SNX13: variants seen among roughly 807,000 people sequenced by gnomAD.
SNX13 encodes the protein sorting nexin-13.
Under a neutral mutation model 133.6 loss-of-function variants are expected in SNX13, and 45 were observed. The ratio of observed to expected loss-of-function variants is 0.34; its 90% CI spans 0.27 to 0.43. The LOEUF is 0.43. Among genes scored for constraint, SNX13 ranks in the 20% least tolerant of loss-of-function variants. The probability of loss-of-function intolerance (pLI) is 1.00; values close to 1 mark genes in which losing one functional copy is unlikely to be tolerated. For missense variants in SNX13, 1,032 were observed against 1,145.1 expected (o/e 0.90, Z 1.43); for synonymous variants, 414 against 373.9 (o/e 1.11, Z -1.24).
chr7:17,867,917 T>C (rs73308184), intron 9 of SNX13, among the ~76,000 whole-genome samples: 5,810 of 152,184 alleles, frequency 0.038, 360 homozygotes, highest in African/African-American at 0.13. Context: ...AAGTCTTTGA[T>C]ATGTCTGACA....
intron 9 of SNX13, among the ~76,000 whole-genome samples, chr7:17,866,042 A>C (rs1276076681): frequency 6.6e-6 from 1 of 152,216 alleles, no homozygotes; most frequent in Non-Finnish European, 1.5e-5. Flanking sequence ...AACTACTAGA[A>C]GAAAACAGTG....
chr7:17,848,023 T>C (rs1880456), intron 11 of SNX13, among the ~76,000 whole-genome samples: 2,785 of 152,194 alleles, frequency 0.018, 91 homozygotes, highest in African/African-American at 0.062. Flanking sequence ...CAGTCCTAAA[T>C]GAGAATTTAT....
intron 13 of SNX13, among the ~76,000 whole-genome samples, chr7:17,835,846 T>C (rs983581641): frequency 4.0e-5 from 6 of 151,826 alleles, no homozygotes; most frequent in South Asian, 2.1e-4. Context: ...CCTAAGTAGG[T>C]TGTGTGGTGG....
intron 11 of SNX13, 68 bp downstream of exon 11, chr7:17,850,279 C>T: frequency 1.0e-6 from 1 of 992,494 alleles, no homozygotes; most frequent in Non-Finnish European, 1.4e-6. Context: ...TTGTCCTTTA[C>T]TGTGCATTTT....
At chr7:17,897,242 C>G in intron 2 of SNX13, 92 bp downstream of exon 2, 1 of 634,816 alleles carries the variant, frequency 1.6e-6, no homozygotes, top group South Asian at 6.3e-5. Context: ...ATGGCATTCA[C>G]AAATAAATCA....
At chr7:17,863,995 A>G (rs1005465131) in intron 9 of SNX13, among the ~76,000 whole-genome samples, 3 of 152,246 alleles carry the variant, frequency 2.0e-5, no homozygotes, top group Non-Finnish European at 2.9e-5. Context: ...GAAATAGCAT[A>G]GTGACCATAG....
chr7:17,796,773 A>C (rs903182197), intron 25 of SNX13, 54 bp downstream of exon 25: 2 of 1,346,288 alleles, frequency 1.5e-6, no homozygotes, highest in East Asian at 2.3e-5. Context: ...TGAATGCTAA[A>C]AACTCAGAAG....
chr7:17,813,327 CAATA>C (rs1418694534), intron 20 of SNX13, among the ~76,000 whole-genome samples: 2 of 152,024 alleles, frequency 1.3e-5, no homozygotes, highest in Non-Finnish European at 2.9e-5. Flanking sequence ...TCTCTAGTGA[CAATA>C]AAACTGTTCC....
At chr7:17,815,380 C>T (rs1380853940) in intron 19 of SNX13, among the ~76,000 whole-genome samples, 1 of 152,008 alleles carries the variant, frequency 6.6e-6, no homozygotes, top group African/African-American at 2.4e-5. Flanking sequence ...GCCAGGAATA[C>T]AAGACCAGCC....
intron 20 of SNX13, among the ~76,000 whole-genome samples, chr7:17,811,955 T>G (rs1347869288): frequency 6.6e-6 from 1 of 152,106 alleles, no homozygotes; most frequent in African/African-American, 2.4e-5. Context: ...GGCAGAAAAC[T>G]GAAACTGGAC....
At chr7:17,886,185 T>C (rs944605323) in intron 5 of SNX13, among the ~76,000 whole-genome samples, 12 of 152,116 alleles carry the variant, frequency 7.9e-5, no homozygotes, top group African/African-American at 2.4e-4. Context: ...ATCATTAGTA[T>C]CACAGCCAGC....
chr7:17,814,993 T>C (rs2723502), intron 19 of SNX13, 49 bp from the exon 20 acceptor site: 681,937 of 1,307,454 alleles, frequency 0.52, 182,198 homozygotes, highest in East Asian at 0.7. Context: ...ACTGACAGAA[T>C]GCTAGAAATT....
Position 17,926,350 on chromosome 7 carries a change from C to A in SNX13, c.12+13934G>T, listed in dbSNP as rs147136082. On this transcript the variant is annotated intron_variant, in intron 1 of 25. Coordinates refer to ENST00000428135, the MANE Select transcript of SNX13 (RefSeq NM_015132.5). Reference sequence around the variant, plus strand: ...TATACTAACAATATGTAGAAAACTGCTTGGAAATTCTGGCTTAAAAAAAGG... The same window carrying A: ...TATACTAACAATATGTAGAAAACTGATTGGAAATTCTGGCTTAAAAAAAGG... Among the ~76,000 whole-genome samples the A allele has an allele frequency of 4.0e-4, 61 of 151,944 alleles. No homozygotes were observed. In the East Asian group the frequency reaches 7.9e-3, roughly 20 times the overall value.
At chr7:17,805,641 C>G (rs1398204583) in intron 20 of SNX13, among the ~76,000 whole-genome samples, 2 of 152,202 alleles carry the variant, frequency 1.3e-5, no homozygotes, top group Admixed American at 6.5e-5. Context: ...TTACACTTCA[C>G]AGCAGAAACT....
chr7:17,842,345 G>A (rs969016108), intron 12 of SNX13, among the ~76,000 whole-genome samples: 2 of 151,962 alleles, frequency 1.3e-5, no homozygotes, highest in Middle Eastern at 3.2e-3. Flanking sequence ...TGTCAACCAA[G>A]TTCCTATATC....
chr7:17,879,369 C>T (rs1417948287), intron 5 of SNX13: 5 of 152,192 alleles, frequency 3.3e-5, no homozygotes, highest in Admixed American at 3.3e-4. Context: ...TGCACTCAGC[C>T]AACTGTGTTT....
chr7:17,927,233 A>G (rs113723111), intron 1 of SNX13, among the ~76,000 whole-genome samples: 3,160 of 149,350 alleles, frequency 0.021, 120 homozygotes, highest in African/African-American at 0.068. Context: ...GCATGTGTGT[A>G]TATATATATA....
At chr7:17,873,447 A>G in intron 8 of SNX13, 81 bp downstream of exon 8, 1 of 588,716 alleles carries the variant, frequency 1.7e-6, no homozygotes, top group Non-Finnish European at 2.4e-6. Flanking sequence ...TAAGAGTGTA[A>G]CAGGGTCTTA....
At position 17,868,136 on chromosome 7, in the gene SNX13, G is replaced by A. The variant is rs1793622908; in HGVS notation, c.837+271C>T. The A allele has an allele frequency of 1.5e-5, 5 of 333,642 alleles. No homozygotes were observed. In the South Asian group the frequency reaches 2.0e-4, roughly 13 times the overall value. The allele number at this position is 333,642 out of a possible 1,614,324, so 20.7% of individuals were successfully genotyped here. On this transcript the variant is annotated intron_variant, in intron 9 of 25. Coordinates refer to ENST00000428135, the MANE Select transcript of SNX13 (RefSeq NM_015132.5). ...CCATTAAAAATACTCATCATCTATA[G>A]ACACAGGTAGTAAAATATTCTATTT...
Sources: allele counts gnomAD v4.1 joint callset (sites outside exome capture counted in the v4.1 genomes callset), GRCh38; gene constraint gnomAD v4.1.1; transcripts MANE v1.5; gene names NCBI Gene and HGNC (gene_info 2026-07-23, HGNC 2026-07-21).